Variants in TAFA5 observed in about 807,000 individuals in gnomAD.
TAFA5 encodes the protein TAFA chemokine like family member 5.
TAFA5 carries 6 observed loss-of-function variants against 15.3 expected under a neutral mutation model. The observed-to-expected ratio is 0.39, with a 90% CI of 0.21 to 0.77. The LOEUF (loss-of-function observed/expected upper bound fraction) is 0.77, where lower values mean the gene tolerates loss of function less well. Ranked by LOEUF, TAFA5 falls within the 30% of genes least tolerant of loss-of-function variation. The pLI is 0.41. For synonymous variants in TAFA5, 103 were observed against 80.7 expected, an observed-to-expected ratio of 1.28 and a Z score of -1.48; for missense variants, 161 against 193.1, an observed-to-expected ratio of 0.83 and a Z score of 0.98.
intron 2 of TAFA5, among the ~76,000 whole-genome samples, chr22:48,658,142 A>G (rs1329705827): frequency 6.6e-6 from 1 of 150,702 alleles, no homozygotes; most frequent in African/African-American, 2.4e-5. Flanking sequence ...CGTTTCAGGG[A>G]AGGGTGCATG....
intron 1 of TAFA5, among the ~76,000 whole-genome samples, chr22:48,582,933 CGAAAT>C (rs1241756987): frequency 1.4e-5 from 2 of 146,904 alleles, no homozygotes; most frequent in African/African-American, 2.5e-5. Flanking sequence ...ACGCCACACA[CGAAAT>C]ACACCACATG....
In TAFA5 at chr22:48,592,376, C is replaced by T. The variant is rs147619759; in HGVS notation, c.113-54221C>T. 1.8e-3 allele frequency among the ~76,000 whole-genome samples: 276 copies of T among 152,340 alleles called. 2 individuals are homozygous for T. The highest frequency in any genetic ancestry group is 5.9e-3 in the African/African-American group (247 of 41,586). ...CCCATGCCCTGTCTGCTGCCCTGCACGCAGGATAAGCATCAGAGGACCTTG... is the reference window on the plus strand; with the variant it reads ...CCCATGCCCTGTCTGCTGCCCTGCATGCAGGATAAGCATCAGAGGACCTTG... On this transcript the variant is annotated intron_variant, in intron 1 of 3. Transcript: ENST00000402357.
intron 1 of TAFA5, among the ~76,000 whole-genome samples, chr22:48,613,960 T>G (rs1374440500): frequency 6.6e-6 from 1 of 152,172 alleles, no homozygotes; most frequent in African/African-American, 2.4e-5. Flanking sequence ...CACCCCCGGC[T>G]CGCGGCCCCT....
chr22:48,583,469 C>T (rs1177826250), intron 1 of TAFA5, among the ~76,000 whole-genome samples: 2 of 146,520 alleles, frequency 1.4e-5, no homozygotes, highest in Non-Finnish European at 3.1e-5. Flanking sequence ...ACACATACCA[C>T]ACACCACATA....
rs1182420477 is a variant in TAFA5 at position 48,646,727 on chromosome 22, C to T, written c.243C>T (p.Ala81=). The change falls in exon 2 of 4, where the codon GCC becomes GCT. Residue 81 remains alanine (A), a synonymous_variant. Transcript: ENST00000402357. ...GGCAGATCGCCGGCACCACGAGAGC[C>T]CGGCCCGCCTGTGTGGACGGTAAGC... ...RKGQIAGTTR[A]RPACVDARII... 1 of 1,584,766 alleles carries T rather than the reference C, an allele frequency of 6.3e-7. No homozygotes were observed. Among genetic ancestry groups the T allele is most frequent in the Admixed American group, 1.8e-5 (1 of 56,626 alleles).
chr22:48,682,689 G>GA (rs1928231146), intron 2 of TAFA5, among the ~76,000 whole-genome samples: 1 of 151,996 alleles, frequency 6.6e-6, no homozygotes. Context: ...ATTGACAAAA[G>GA]CCTGACGGCA....
intron 1 of TAFA5, among the ~76,000 whole-genome samples, chr22:48,583,878 A>G (rs1924209892): frequency 6.7e-6 from 1 of 149,078 alleles, no homozygotes; most frequent in Non-Finnish European, 1.5e-5. Flanking sequence ...ACGCAACATC[A>G]TACACACACG....
chr22:48,639,106 A>C (rs1003731891), intron 1 of TAFA5, among the ~76,000 whole-genome samples: 2 of 152,334 alleles, frequency 1.3e-5, no homozygotes, highest in African/African-American at 4.8e-5. Flanking sequence ...TGGGCAGGAC[A>C]GGCTGAGGAC....
intron 1 of TAFA5, among the ~76,000 whole-genome samples, chr22:48,575,324 G>GCGGGGTCCC (rs1156851452): frequency 4.0e-5 from 6 of 151,310 alleles, no homozygotes; most frequent in African/African-American, 7.3e-5. Flanking sequence ...GCGCTGCAGG[G>GCGGGGTCCC]CGGGGTCCCC....
chr22:48,696,284 G>T (rs1412597913), intron 2 of TAFA5, among the ~76,000 whole-genome samples: 1 of 152,124 alleles, frequency 6.6e-6, no homozygotes, highest in Non-Finnish European at 1.5e-5. Context: ...TGACCTTTCC[G>T]GCCAGATGTA....
intron 2 of TAFA5, among the ~76,000 whole-genome samples, chr22:48,684,045 T>C (rs770886601): frequency 6.6e-6 from 1 of 152,182 alleles, no homozygotes; most frequent in Non-Finnish European, 1.5e-5. Flanking sequence ...CAGGTAGTTA[T>C]TCATAGCAGT....
chr22:48,505,251 C>A (rs1382738130), intron 1 of TAFA5, among the ~76,000 whole-genome samples: 1 of 152,202 alleles, frequency 6.6e-6, no homozygotes, highest in Non-Finnish European at 1.5e-5. Flanking sequence ...GTGGAGGGGT[C>A]ACCCTGCGTG....
chr22:48,521,167 C>T (rs907027642), intron 1 of TAFA5, among the ~76,000 whole-genome samples: 1 of 152,158 alleles, frequency 6.6e-6, no homozygotes, highest in Non-Finnish European at 1.5e-5. Context: ...TCAGTTATTG[C>T]CCTATCATCG....
chr22:48,517,874 G>A (rs913623008), intron 1 of TAFA5, among the ~76,000 whole-genome samples: 5 of 152,214 alleles, frequency 3.3e-5, no homozygotes, highest in African/African-American at 1.2e-4. Flanking sequence ...GTGAGGTTCT[G>A]GCAAAGCCCC....
At chr22:48,572,420 C>T (rs1923621858) in intron 1 of TAFA5, among the ~76,000 whole-genome samples, 1 of 152,254 alleles carries the variant, frequency 6.6e-6, no homozygotes, top group East Asian at 1.9e-4. Context: ...AGGGTCCCCA[C>T]ATTTGCTGGT....
intron 1 of TAFA5, among the ~76,000 whole-genome samples, chr22:48,578,742 G>C (rs774835572): frequency 6.6e-6 from 1 of 152,212 alleles, no homozygotes; most frequent in African/African-American, 2.4e-5. Flanking sequence ...CCTGCTGCCT[G>C]TCTGTCTGGA....
Position 48,490,121 on chromosome 22 carries a change from C to G in TAFA5, c.112+417C>G, listed in dbSNP as rs914529184. 1.3e-5 allele frequency among the ~76,000 whole-genome samples: 2 copies of G among 152,042 alleles called. No homozygotes were observed. The highest frequency in any genetic ancestry group is 4.8e-5 in the African/African-American group (2 of 41,418). Reference sequence around the variant, plus strand: ...GGAGCGCCCTCCCCGTGCCTCAGCCCGGGACAAGGGGGGAGGCGGCGGCCG... The same window carrying G: ...GGAGCGCCCTCCCCGTGCCTCAGCCGGGGACAAGGGGGGAGGCGGCGGCCG... On this transcript the variant is annotated intron_variant, in intron 1 of 3. Coordinates refer to ENST00000402357, the MANE Select transcript of TAFA5 (RefSeq NM_001082967.3). The surrounding 1 kb of genome is among the most constrained non-coding windows in gnomAD (Gnocchi z 5.8).
rs954096180 is a variant in TAFA5 at position 48,560,496 on chromosome 22, G to A, written c.112+70792G>A. Among the ~76,000 whole-genome samples, 2 of 152,162 alleles carry A rather than the reference G, an allele frequency of 1.3e-5. No individual in the cohort carries two copies. The highest frequency in any genetic ancestry group is 4.8e-5 in the African/African-American group (2 of 41,426). On this transcript the variant is annotated intron_variant, in intron 1 of 3. Transcript: ENST00000402357. This position sits in a 1 kb window ranked among gnomAD's most constrained non-coding sequence, Gnocchi z 4.2. ...GCAGGCGCCCCCAGTGTGAACTAAT[G>A]TGAGGTGCTTTCATGCTGCAGAAGG...
intron 1 of TAFA5, among the ~76,000 whole-genome samples, chr22:48,639,210 C>G (rs888101774): frequency 6.6e-6 from 1 of 150,612 alleles, no homozygotes; most frequent in Non-Finnish European, 1.5e-5. Context: ...CCTTTTCTCC[C>G]CGTTGGGGAC....
Sources: gnomAD v4.1 joint callset for allele counts (sites outside exome capture counted in the v4.1 genomes callset) on GRCh38, gnomAD v4.1.1 for gene constraint, Gnocchi (gnomAD v3.1) non-coding constraint, MANE v1.5 for transcripts, NCBI Gene and HGNC (gene_info 2026-07-23, HGNC 2026-07-21) for gene names.